The following IL1RAPL1 variants were observed in gnomAD, a reference collection of about 807,000 sequenced individuals.
IL1RAPL1 encodes the protein interleukin-1 receptor accessory protein-like 1.
Under a neutral mutation model 48.4 loss-of-function variants are expected in IL1RAPL1, and 3 were observed. That is an observed-to-expected ratio of 0.06 (90% confidence interval 0.03 to 0.16). The LOEUF (loss-of-function observed/expected upper bound fraction) is 0.16, where lower values mean the gene tolerates loss of function less well. Ranked by LOEUF, IL1RAPL1 falls within the 10% of genes least tolerant of loss-of-function variation. The pLI, the probability that IL1RAPL1 is intolerant of heterozygous loss-of-function variation, is 1.00. For synonymous variants in IL1RAPL1, 185 were observed against 187.7 expected, an observed-to-expected ratio of 0.99 and a Z score of 0.12; for missense variants, 349 against 530.6, an observed-to-expected ratio of 0.66 and a Z score of 3.36.
intron 5 of IL1RAPL1, among the ~76,000 whole-genome samples, chrX:29,477,047 A>AT (rs1356261355): frequency 8.4e-5 from 9 of 106,544 alleles, no homozygotes; most frequent in Non-Finnish European, 1.3e-4. Context: ...CGCCCGGCTA[A>AT]TTTTTTGTAT....
At chrX:29,382,046 A>G (rs979191500) in intron 3 of IL1RAPL1, among the ~76,000 whole-genome samples, 4 of 109,235 alleles carry the variant, frequency 3.7e-5, no homozygotes, top group African/African-American at 1.0e-4. Context: ...AAGGTAGTCA[A>G]TTTACAGTTG....
intron 1 of IL1RAPL1, among the ~76,000 whole-genome samples, chrX:28,636,484 T>C (rs1934466484): frequency 8.9e-6 from 1 of 111,953 alleles, no homozygotes; most frequent in African/African-American, 3.2e-5. Context: ...ACTGTGTCTT[T>C]TTCCTTAACT....
intron 6 of IL1RAPL1, among the ~76,000 whole-genome samples, chrX:29,738,833 C>T (rs1216351463): frequency 1.8e-5 from 2 of 112,180 alleles, no homozygotes; most frequent in African/African-American, 6.5e-5. Context: ...AGAGTTGTTT[C>T]ATTCTATGTG....
At chrX:29,199,643 C>T (rs1930515833) in intron 2 of IL1RAPL1, among the ~76,000 whole-genome samples, 1 of 111,397 alleles carries the variant, frequency 9.0e-6, no homozygotes, top group African/African-American at 3.3e-5. Context: ...GTTTGCTCTC[C>T]TATGAGAATC....
In IL1RAPL1 at chrX:29,060,941, A is replaced by G. The variant is rs755419815; in HGVS notation, c.83-221997A>G. ...TACTTTCACTTAGGATGAAATAAAA[A>G]ATATTGGCTTATTTATATATTTCAG... On this transcript the variant is annotated intron_variant, in intron 2 of 10. Transcript: ENST00000378993. Among the ~76,000 whole-genome samples, 4 of 111,636 alleles carry G rather than the reference A, an allele frequency of 3.6e-5. No individual in the cohort carries two copies. The East Asian group carries it at 8.4e-4, about 23-fold the overall frequency.
At position 29,899,004 on chromosome X, in the gene IL1RAPL1, A is replaced by G. The variant is rs184135904; in HGVS notation, c.779-18460A>G. On this transcript the variant is annotated intron_variant, in intron 6 of 10. Coordinates refer to ENST00000378993, the MANE Select transcript of IL1RAPL1 (RefSeq NM_014271.4). ...TTTTATTGAACGAATCTTGAGGACT[A>G]TAAACCTAGATCAGTGCCTTATAAT... Among the ~76,000 whole-genome samples, 26 of 111,958 alleles carry G rather than the reference A, an allele frequency of 2.3e-4. No homozygotes were observed. The East Asian group carries it at 7.3e-3, about 32-fold the overall frequency.
chrX:29,813,176 A>G (rs1930416006), intron 6 of IL1RAPL1, among the ~76,000 whole-genome samples: 1 of 111,842 alleles, frequency 8.9e-6, no homozygotes, highest in African/African-American at 3.2e-5. Flanking sequence ...AATATTATGT[A>G]TGTATGTATG....
chrX:28,835,335 G>A (rs1291003407), intron 2 of IL1RAPL1, among the ~76,000 whole-genome samples: 1 of 110,934 alleles, frequency 9.0e-6, no homozygotes, highest in Non-Finnish European at 1.9e-5. Context: ...TTTTTGAGGA[G>A]TGGCTTTAAG....
intron 6 of IL1RAPL1, among the ~76,000 whole-genome samples, chrX:29,899,724 A>T (rs767334590): frequency 6.4e-5 from 7 of 109,199 alleles, no homozygotes; most frequent in Non-Finnish European, 1.3e-4. Context: ...TTGTATTTTT[A>T]GTAGAGACAG....
intron 5 of IL1RAPL1, among the ~76,000 whole-genome samples, chrX:29,596,094 T>C (rs1436436802): frequency 8.9e-6 from 1 of 112,252 alleles, no homozygotes; most frequent in Non-Finnish European, 1.9e-5. Context: ...TCTATGTGCC[T>C]ATTTTTATAC....
intron 2 of IL1RAPL1, among the ~76,000 whole-genome samples, chrX:29,048,358 A>C (rs1927021360): frequency 8.9e-6 from 1 of 112,029 alleles, no homozygotes. Context: ...CAAAACTTCC[A>C]TTCATCAATG....
At chrX:29,575,900 C>T (rs1922758664) in intron 5 of IL1RAPL1, among the ~76,000 whole-genome samples, 1 of 112,020 alleles carries the variant, frequency 8.9e-6, no homozygotes. Context: ...ACATGAAATG[C>T]AGCAAGGACT....
At chrX:28,890,873 G>T (rs948805786) in intron 2 of IL1RAPL1, among the ~76,000 whole-genome samples, 6 of 112,078 alleles carry the variant, frequency 5.4e-5, no homozygotes, top group Non-Finnish European at 7.5e-5. Context: ...TCACTTTGTA[G>T]TTAATAATGT....
At chrX:29,858,506 T>C (rs1228204505) in intron 6 of IL1RAPL1, among the ~76,000 whole-genome samples, 1 of 111,431 alleles carries the variant, frequency 9.0e-6, no homozygotes. Flanking sequence ...CATTGTGGCA[T>C]AAGAATTGTT....
chrX:29,525,551 G>A (rs758507905), intron 5 of IL1RAPL1, among the ~76,000 whole-genome samples: 4 of 111,672 alleles, frequency 3.6e-5, no homozygotes, highest in Admixed American at 2.9e-4. Context: ...AATGTATTTC[G>A]AAGACACAGT....
At chrX:28,792,816 A>AAAT (rs1936562170) in intron 2 of IL1RAPL1, among the ~76,000 whole-genome samples, 6 of 10,109 alleles carry the variant, frequency 5.9e-4, no homozygotes, top group Non-Finnish European at 1.1e-3. Context: ...AAAAAAAAAA[A>AAAT]ATATATATAT....
At chrX:29,226,824 TA>T (rs1262204858) in intron 2 of IL1RAPL1, among the ~76,000 whole-genome samples, 1 of 111,696 alleles carries the variant, frequency 9.0e-6, no homozygotes, top group Non-Finnish European at 1.9e-5. Context: ...TACAAATACT[TA>T]TTACCTGATA....
At chrX:29,771,193 T>C (rs1929056989) in intron 6 of IL1RAPL1, among the ~76,000 whole-genome samples, 1 of 112,234 alleles carries the variant, frequency 8.9e-6, no homozygotes, top group African/African-American at 3.2e-5. Flanking sequence ...CCCCCTTTGA[T>C]TGACGTGGGT....
intron 5 of IL1RAPL1, among the ~76,000 whole-genome samples, chrX:29,472,444 C>A (rs1934931136): frequency 8.9e-6 from 1 of 111,836 alleles, no homozygotes; most frequent in Admixed American, 9.5e-5. Flanking sequence ...CATGTATGTG[C>A]TTTTAACTAC....
Sources: allele counts gnomAD v4.1 joint callset (sites outside exome capture counted in the v4.1 genomes callset), GRCh38; gene constraint gnomAD v4.1.1; transcripts MANE v1.5; gene names NCBI Gene and HGNC (gene_info 2026-07-23, HGNC 2026-07-21).